Variants in NCK2 observed in about 807,000 individuals in gnomAD.
NCK2 encodes cytoplasmic protein NCK2.
Under a neutral mutation model 33.9 loss-of-function variants are expected in NCK2, and 16 were observed. The observed-to-expected ratio is 0.47, with a 90% CI of 0.32 to 0.72. NCK2 has a LOEUF of 0.72. NCK2 is among the 30% of genes least tolerant of loss of function. The pLI is 0.03. For missense variants in NCK2, 418 were observed against 537.3 expected (o/e 0.78, Z 2.19); for synonymous variants, 273 against 239.9 (o/e 1.14, Z -1.27).
intron 2 of NCK2, among the ~76,000 whole-genome samples, chr2:105,842,718 C>A (rs1016313408): frequency 1.3e-5 from 2 of 152,136 alleles, no homozygotes; most frequent in African/African-American, 4.8e-5. Context: ...GTGAAGTACT[C>A]ACAGCAAAGA....
intron 4 of NCK2, among the ~76,000 whole-genome samples, chr2:105,890,393 C>T (rs1678920362): frequency 6.6e-6 from 1 of 152,222 alleles, no homozygotes. Flanking sequence ...AATGATGCCA[C>T]ATTATCTCTA....
chr2:105,790,048 A>G (rs1690825249), intron 1 of NCK2, among the ~76,000 whole-genome samples: 1 of 152,236 alleles, frequency 6.6e-6, no homozygotes, highest in Non-Finnish European at 1.5e-5. Flanking sequence ...TCTTCAAAAC[A>G]TCTTAATTTT....
At chr2:105,797,594 G>A (rs1691128363) in intron 1 of NCK2, among the ~76,000 whole-genome samples, 1 of 152,214 alleles carries the variant, frequency 6.6e-6, no homozygotes, top group African/African-American at 2.4e-5. Context: ...GTGGAGCCTG[G>A]TCTGGTTGGA....
At chr2:105,752,985 A>G (rs1689499757) in intron 1 of NCK2, among the ~76,000 whole-genome samples, 1 of 152,174 alleles carries the variant, frequency 6.6e-6, no homozygotes, top group Non-Finnish European at 1.5e-5. Context: ...TCACCAACAG[A>G]ACGTGTGGTA....
intron 2 of NCK2, among the ~76,000 whole-genome samples, chr2:105,825,101 C>G (rs765666439): frequency 2.6e-5 from 4 of 152,146 alleles, no homozygotes; most frequent in Non-Finnish European, 5.9e-5. Flanking sequence ...CTCCTGCCTC[C>G]TCCTCTCCCT....
At chr2:105,746,923 G>C (rs545903913) in intron 1 of NCK2, among the ~76,000 whole-genome samples, 1 of 152,288 alleles carries the variant, frequency 6.6e-6, no homozygotes, top group Non-Finnish European at 1.5e-5. Flanking sequence ...CGGAGGCCTC[G>C]CCTGGATTCT....
At chr2:105,844,333 G>C (rs1386647166) in intron 2 of NCK2, among the ~76,000 whole-genome samples, 1 of 152,146 alleles carries the variant, frequency 6.6e-6, no homozygotes, top group Non-Finnish European at 1.5e-5. Context: ...AATAAACCAT[G>C]AACTTTAGTT....
In NCK2 at chr2:105,839,345, A is replaced by G. The variant is rs189101276; in HGVS notation, c.-16-15703A>G. Among the ~76,000 whole-genome samples, 10 of 152,276 alleles carry G rather than the reference A, an allele frequency of 6.6e-5. No homozygotes were observed. In the East Asian group the frequency reaches 1.7e-3, roughly 27 times the overall value. On this transcript the variant is annotated intron_variant, in intron 2 of 4. Transcript: ENST00000233154. ...AGCGAGTGCCAGGAGGGTAGAACAG[A>G]GAGACTGGTAGACTGGAGAGGTGCT...
Position 105,893,076 on chromosome 2 carries a change from G to A in NCK2, c.1043G>A (p.Arg348His), listed in dbSNP as rs1476316800. 5.0e-6 allele frequency: 8 copies of A among 1,613,986 alleles called. No individual in the cohort carries two copies. Among genetic ancestry groups the A allele is most frequent in the Non-Finnish European group, 6.8e-6 (8 of 1,180,014 alleles). The stretch of plus-strand genomic sequence containing the variant: ...AATGTCTACTGCATTGGGCAGCGGC[G>A]CTTCCACACCATGGACGAGCTGGTG... ...VDNVYCIGQRRFHTMDELVEH... is the reference protein window; with the variant it reads ...VDNVYCIGQRHFHTMDELVEH... Residue 348 changes from arginine (R) to histidine (H), a missense_variant, in exon 5 of 5, where the codon CGC becomes CAC. Arg to His is a conservative substitution (Grantham distance 29). Coordinates refer to ENST00000233154, the MANE Select transcript of NCK2 (RefSeq NM_003581.5).
intron 1 of NCK2, among the ~76,000 whole-genome samples, chr2:105,787,880 T>C (rs141147125): frequency 0.019 from 2,848 of 152,328 alleles, 52 homozygotes; most frequent in Non-Finnish European, 0.022. Context: ...CTCATTCTGT[T>C]AGAAACACAT....
intron 2 of NCK2, among the ~76,000 whole-genome samples, chr2:105,835,408 T>TATATATATATATATATATATATATACA: frequency 7.3e-5 from 3 of 41,274 alleles, no homozygotes; most frequent in South Asian, 1.1e-3. Context: ...TATATATACG[T>TATATATATATATATATATATATATACA]GTATATATAT....
intron 2 of NCK2, among the ~76,000 whole-genome samples, chr2:105,829,404 T>C (rs973877128): frequency 6.6e-6 from 1 of 152,178 alleles, no homozygotes. Context: ...GAACTAAAAT[T>C]GGTCCATTAT....
intron 1 of NCK2, among the ~76,000 whole-genome samples, chr2:105,762,619 A>G (rs1689803807): frequency 6.6e-6 from 1 of 152,224 alleles, no homozygotes; most frequent in Non-Finnish European, 1.5e-5. Flanking sequence ...ACTGAAATTC[A>G]GTATTTCCTT....
intron 2 of NCK2, among the ~76,000 whole-genome samples, chr2:105,843,249 T>C (rs1676718439): frequency 6.6e-6 from 1 of 152,170 alleles, no homozygotes; most frequent in South Asian, 2.1e-4. Context: ...CATATAATAT[T>C]TTTAATAATA....
At chr2:105,792,983 A>T (rs1028787690) in intron 1 of NCK2, among the ~76,000 whole-genome samples, 7 of 152,108 alleles carry the variant, frequency 4.6e-5, no homozygotes, top group Non-Finnish European at 1.0e-4. Flanking sequence ...TCACCAACCG[A>T]GTCAGCTTTT....
chr2:105,773,869 A>G (rs1690215409), intron 1 of NCK2, among the ~76,000 whole-genome samples: 1 of 152,186 alleles, frequency 6.6e-6, no homozygotes, highest in African/African-American at 2.4e-5. Flanking sequence ...TGTTTTGGGT[A>G]GTCCAGCAGT....
intron 1 of NCK2, among the ~76,000 whole-genome samples, chr2:105,764,628 A>G (rs889203487): frequency 2.0e-5 from 3 of 152,226 alleles, no homozygotes; most frequent in African/African-American, 7.2e-5. Context: ...ATGGAGACCT[A>G]GATTCCTGAG....
At chr2:105,801,217 A>G (rs1313743322) in intron 1 of NCK2, among the ~76,000 whole-genome samples, 1 of 152,044 alleles carries the variant, frequency 6.6e-6, no homozygotes, top group East Asian at 1.9e-4. Flanking sequence ...CCTCCCCTCC[A>G]ACCCTGCTCA....
chr2:105,861,026 T>C (rs1320853643), intron 3 of NCK2, among the ~76,000 whole-genome samples: 1 of 151,966 alleles, frequency 6.6e-6, no homozygotes, highest in Admixed American at 6.6e-5. Context: ...GAGTCAAACC[T>C]GGTGTGGAAA....
Sources: gnomAD v4.1 joint callset for allele counts (sites outside exome capture counted in the v4.1 genomes callset) on GRCh38, gnomAD v4.1.1 for gene constraint, MANE v1.5 for transcripts, NCBI Gene and HGNC (gene_info 2026-07-23, HGNC 2026-07-21) for gene names.